The following SORCS1 variants were observed in gnomAD, a reference collection of about 807,000 sequenced individuals.
SORCS1 encodes sortilin related VPS10 domain containing receptor 1.
Under a neutral mutation model 146.1 loss-of-function variants are expected in SORCS1, and 60 were observed. The ratio of observed to expected loss-of-function variants is 0.41; its 90% confidence interval spans 0.33 to 0.51. The LOEUF (loss-of-function observed/expected upper bound fraction) is 0.51, where lower values mean the gene tolerates loss of function less well. Among genes scored for constraint, SORCS1 ranks in the 20% least tolerant of loss-of-function variants. The pLI, the probability that SORCS1 is intolerant of heterozygous loss-of-function variation, is 0.21. For synonymous variants in SORCS1, 637 were observed against 584.0 expected (o/e 1.09, Z -1.31); for missense variants, 1,352 against 1,487.6 (o/e 0.91, Z 1.50).
chr10:106,758,054 A>T (rs1858789527), intron 5 of SORCS1, among the ~76,000 whole-genome samples: 1 of 152,196 alleles, frequency 6.6e-6, no homozygotes. Flanking sequence ...CAAAAGAAGG[A>T]GGTTTTATTT....
chr10:107,034,710 A>G (rs1332226781), intron 1 of SORCS1, among the ~76,000 whole-genome samples: 4 of 143,346 alleles, frequency 2.8e-5, no homozygotes, highest in East Asian at 4.1e-4. Context: ...AAAAAAAACA[A>G]TGTTCATAGA....
chr10:106,577,585 T>C, intron 25 of SORCS1, 30 bp from the exon 26 acceptor site: 1 of 1,609,234 alleles, frequency 6.2e-7, no homozygotes, highest in Non-Finnish European at 8.5e-7. Flanking sequence ...ACTTACTCAT[T>C]TAATGACACT....
intron 3 of SORCS1, among the ~76,000 whole-genome samples, chr10:106,796,240 G>A (rs2136579210): frequency 6.6e-6 from 1 of 152,226 alleles, no homozygotes; most frequent in East Asian, 1.9e-4. Flanking sequence ...ACATTTACAT[G>A]TTGACAGTTC....
chr10:107,021,932 A>C (rs538224124), intron 1 of SORCS1, among the ~76,000 whole-genome samples: 1 of 152,338 alleles, frequency 6.6e-6, no homozygotes, highest in East Asian at 1.9e-4. Flanking sequence ...TAGTGATTTA[A>C]AAACCAGAGA....
intron 21 of SORCS1, among the ~76,000 whole-genome samples, chr10:106,612,815 C>T (rs965343684): frequency 2.4e-4 from 36 of 152,104 alleles, no homozygotes; most frequent in African/African-American, 5.6e-4. Flanking sequence ...CTAGGTTCTG[C>T]GCTCCTGGAT....
At chr10:106,963,241 A>G (rs977054026) in intron 1 of SORCS1, among the ~76,000 whole-genome samples, 4 of 148,060 alleles carry the variant, frequency 2.7e-5, no homozygotes, top group South Asian at 2.2e-4. Context: ...TCAGCCTCCC[A>G]AGTAGCTGGG....
intron 2 of SORCS1, among the ~76,000 whole-genome samples, chr10:106,940,383 G>A (rs1177508909): frequency 6.6e-6 from 1 of 152,128 alleles, no homozygotes; most frequent in Non-Finnish European, 1.5e-5. Context: ...TATGCACCAA[G>A]GTCTGTACTT....
At chr10:106,615,792 TA>T (rs1847322191) in intron 21 of SORCS1, among the ~76,000 whole-genome samples, 1 of 152,184 alleles carries the variant, frequency 6.6e-6, no homozygotes, top group Non-Finnish European at 1.5e-5. Context: ...CCTATTTTTA[TA>T]AAGAGTGATT....
intron 3 of SORCS1, among the ~76,000 whole-genome samples, chr10:106,797,993 A>G (rs1333565313): frequency 6.6e-6 from 1 of 152,192 alleles, no homozygotes; most frequent in African/African-American, 2.4e-5. Flanking sequence ...GGGTACTGAT[A>G]TGGTTTGGCT....
At chr10:107,176,575 A>G in the SORCS1 span, among the ~76,000 whole-genome samples, 25 of 152,182 alleles carry the variant, frequency 1.6e-4, no homozygotes, top group African/African-American at 6.0e-4. Flanking sequence ...CCTGGTCTCA[A>G]GCGATCCTCC....
chr10:107,098,208 G>A (rs1220646140), intron 1 of SORCS1, among the ~76,000 whole-genome samples: 1 of 152,122 alleles, frequency 6.6e-6, no homozygotes, highest in African/African-American at 2.4e-5. Flanking sequence ...ATGTTTCTCA[G>A]TATGTCTTTC....
intron 9 of SORCS1, among the ~76,000 whole-genome samples, chr10:106,698,848 G>C (rs1853908633): frequency 6.6e-6 from 1 of 152,066 alleles, no homozygotes; most frequent in Non-Finnish European, 1.5e-5. Context: ...GAGAGACAAG[G>C]GAGTGCATCC....
chr10:106,904,363 C>T (rs1201193556), intron 2 of SORCS1, among the ~76,000 whole-genome samples: 1 of 152,104 alleles, frequency 6.6e-6, no homozygotes, highest in Non-Finnish European at 1.5e-5. Flanking sequence ...AATTTACCTT[C>T]TACTGGAGGA....
chr10:106,876,778 T>C (rs1589610325), intron 2 of SORCS1, among the ~76,000 whole-genome samples: 1 of 152,242 alleles, frequency 6.6e-6, no homozygotes, highest in Non-Finnish European at 1.5e-5. Flanking sequence ...CTCTTTATTA[T>C]ATCATTTATG....
chr10:106,994,404 C>T (rs1589877348), intron 1 of SORCS1, among the ~76,000 whole-genome samples: 1 of 151,972 alleles, frequency 6.6e-6, no homozygotes. Flanking sequence ...TAATTCAGTG[C>T]TAAGTAATCC....
At chr10:106,818,547 A>G (rs952424976) in intron 3 of SORCS1, among the ~76,000 whole-genome samples, 3 of 151,944 alleles carry the variant, frequency 2.0e-5, no homozygotes, top group African/African-American at 7.3e-5. Context: ...TGTATTTTTA[A>G]TAGAAACGGG....
chr10:106,977,721 A>G (rs1956089952), intron 1 of SORCS1, among the ~76,000 whole-genome samples: 1 of 152,098 alleles, frequency 6.6e-6, no homozygotes, highest in South Asian at 2.1e-4. Context: ...TACACAATAT[A>G]CAAATATGCA....
intron 3 of SORCS1, among the ~76,000 whole-genome samples, chr10:106,825,306 C>G (rs1948248685): frequency 7.3e-6 from 1 of 137,068 alleles, no homozygotes; most frequent in Admixed American, 7.9e-5. Flanking sequence ...GAGTCTCGCT[C>G]TGTCACCCAG....
chr10:106,757,109 C>T (rs1858705048), intron 5 of SORCS1, among the ~76,000 whole-genome samples: 2 of 152,136 alleles, frequency 1.3e-5, no homozygotes, highest in Non-Finnish European at 1.5e-5. Flanking sequence ...TATCAGAAAC[C>T]ACTGTGATAA....
Sources: allele counts gnomAD v4.1 joint callset (sites outside exome capture counted in the v4.1 genomes callset), GRCh38; gene constraint gnomAD v4.1.1; transcripts MANE v1.5; gene names NCBI Gene and HGNC (gene_info 2026-07-23, HGNC 2026-07-21).